DPP10: variants seen among roughly 807,000 people sequenced by gnomAD.
DPP10 encodes the protein inactive dipeptidyl peptidase 10.
Under a neutral mutation model 120.9 loss-of-function variants are expected in DPP10, and 33 were observed. The observed-to-expected ratio is 0.27, with a 90% CI of 0.21 to 0.37. The LOEUF (loss-of-function observed/expected upper bound fraction) is 0.37, where lower values mean the gene tolerates loss of function less well. Among genes scored for constraint, DPP10 ranks in the 10% least tolerant of loss-of-function variants. The pLI is 1.00. For missense variants in DPP10, 816 were observed against 942.8 expected (o/e 0.87, Z 1.76); for synonymous variants, 337 against 326.1 (o/e 1.03, Z -0.36).
intron 1 of DPP10, among the ~76,000 whole-genome samples, chr2:115,184,752 T>G (rs2054316267): frequency 6.6e-6 from 1 of 152,232 alleles, no homozygotes; most frequent in Non-Finnish European, 1.5e-5. Context: ...ATTTGCAGCC[T>G]CACATATTGT....
chr2:114,663,664 T>TAGAGAGAGAGAGAG (rs1374317856), intron 1 of DPP10, among the ~76,000 whole-genome samples: 142 of 95,394 alleles, frequency 1.5e-3, no homozygotes, highest in East Asian at 6.2e-3. Flanking sequence ...TATATATATA[T>TAGAGAGAGAGAGAG]ATATAGAGAG....
At chr2:115,343,309 G>A (rs891912163) in intron 2 of DPP10, among the ~76,000 whole-genome samples, 1 of 151,942 alleles carries the variant, frequency 6.6e-6, no homozygotes, top group African/African-American at 2.4e-5. Context: ...TATTTGTTGG[G>A]TACTAATTTT....
intron 1 of DPP10, among the ~76,000 whole-genome samples, chr2:115,186,328 A>G (rs1342960027): frequency 2.0e-5 from 3 of 152,196 alleles, no homozygotes; most frequent in African/African-American, 7.2e-5. Context: ...ACTGAACATT[A>G]TACACCAGGA....
At chr2:114,947,467 C>T (rs539986585) in intron 1 of DPP10, among the ~76,000 whole-genome samples, 69 of 151,490 alleles carry the variant, frequency 4.6e-4, no homozygotes, top group African/African-American at 1.6e-3. Flanking sequence ...GTCATAATTG[C>T]ATAGTCATAT....
chr2:114,947,708 A>G (rs565750370), intron 1 of DPP10, among the ~76,000 whole-genome samples: 5 of 152,034 alleles, frequency 3.3e-5, no homozygotes, highest in Admixed American at 6.6e-5. Flanking sequence ...GTTAGATGAC[A>G]TTTCTGAGTC....
At chr2:114,611,597 ATATT>A (rs1693293862) in intron 1 of DPP10, among the ~76,000 whole-genome samples, 1 of 152,214 alleles carries the variant, frequency 6.6e-6, no homozygotes, top group Non-Finnish European at 1.5e-5. Context: ...TTATGAGAAA[ATATT>A]TATGCCAATG....
intron 1 of DPP10, among the ~76,000 whole-genome samples, chr2:115,067,732 G>A (rs1355118166): frequency 1.1e-4 from 16 of 148,780 alleles, no homozygotes; most frequent in African/African-American, 3.2e-4. Context: ...GCGTGGTGGC[G>A]GGCGCCTGTA....
At chr2:114,691,948 A>G (rs1699777548) in intron 1 of DPP10, among the ~76,000 whole-genome samples, 2 of 151,738 alleles carry the variant, frequency 1.3e-5, no homozygotes, top group South Asian at 4.2e-4. Context: ...ATCATTTCTG[A>G]TTGTGTTTAT....
chr2:114,516,436 C>T (rs772844143), intron 1 of DPP10, among the ~76,000 whole-genome samples: 32 of 152,184 alleles, frequency 2.1e-4, no homozygotes, highest in Admixed American at 5.2e-4. Context: ...GTTTTAGCTA[C>T]TTCTGCAGCT....
chr2:115,061,599 T>C (rs1286549793), intron 1 of DPP10, among the ~76,000 whole-genome samples: 1 of 152,230 alleles, frequency 6.6e-6, no homozygotes, highest in African/African-American at 2.4e-5. Flanking sequence ...ACAGTGTTTA[T>C]AATTGGGAAA....
At chr2:115,097,737 G>C (rs2048473056) in intron 1 of DPP10, among the ~76,000 whole-genome samples, 1 of 152,182 alleles carries the variant, frequency 6.6e-6, no homozygotes, top group African/African-American at 2.4e-5. Flanking sequence ...AAGTGAGAGA[G>C]AGATTGCACG....
chr2:115,387,456 A>G (rs1196978691), intron 3 of DPP10, among the ~76,000 whole-genome samples: 6 of 152,204 alleles, frequency 3.9e-5, no homozygotes, highest in Non-Finnish European at 7.3e-5. Flanking sequence ...TAACCAAACT[A>G]TTATTATCAT....
intron 13 of DPP10, among the ~76,000 whole-genome samples, chr2:115,771,262 G>T (rs1207834294): frequency 1.3e-5 from 2 of 151,664 alleles, no homozygotes; most frequent in African/African-American, 4.8e-5. Context: ...TTTAGTAGAG[G>T]CGGGTTTCAC....
intron 1 of DPP10, among the ~76,000 whole-genome samples, chr2:114,450,054 T>C (rs1336267620): frequency 6.6e-6 from 1 of 152,108 alleles, no homozygotes; most frequent in Non-Finnish European, 1.5e-5. Flanking sequence ...GCTACCAAAA[T>C]GGAAAATACC....
intron 1 of DPP10, among the ~76,000 whole-genome samples, chr2:115,044,368 T>G (rs1704901504): frequency 6.6e-6 from 1 of 151,906 alleles, no homozygotes; most frequent in Admixed American, 6.6e-5. Flanking sequence ...TTTTTTTAAT[T>G]TTATTATTAT....
intron 5 of DPP10, among the ~76,000 whole-genome samples, chr2:115,616,960 C>T (rs1022109768): frequency 6.6e-6 from 1 of 151,914 alleles, no homozygotes. Context: ...TTTTCTCAAA[C>T]CTGCTCTCAT....
At chr2:115,638,964 C>A (rs1307090822) in intron 5 of DPP10, among the ~76,000 whole-genome samples, 1 of 152,152 alleles carries the variant, frequency 6.6e-6, no homozygotes, top group African/African-American at 2.4e-5. Context: ...CAAGCATGCT[C>A]TACTGCCAAA....
chr2:115,336,218 G>A (rs1025132177), intron 2 of DPP10, among the ~76,000 whole-genome samples: 1 of 151,810 alleles, frequency 6.6e-6, no homozygotes, highest in Non-Finnish European at 1.5e-5. Flanking sequence ...TGGATTTTTG[G>A]AAGAAAGAAC....
chr2:114,703,306 A>G (rs750625264), intron 1 of DPP10, among the ~76,000 whole-genome samples: 1 of 152,206 alleles, frequency 6.6e-6, no homozygotes, highest in Non-Finnish European at 1.5e-5. Flanking sequence ...TTACAGGAGA[A>G]ACAAATATAC....
Sources: allele counts gnomAD v4.1 joint callset (sites outside exome capture counted in the v4.1 genomes callset), GRCh38; gene constraint gnomAD v4.1.1; transcripts MANE v1.5; gene names NCBI Gene and HGNC (gene_info 2026-07-23, HGNC 2026-07-21).